TRIP4: variants seen among roughly 807,000 people sequenced by gnomAD.
TRIP4 encodes thyroid hormone receptor interactor 4.
A neutral mutation model predicts 81.8 loss-of-function variants in TRIP4; 54 were observed. The observed-to-expected ratio is 0.66, with a 90% CI of 0.53 to 0.83. The LOEUF (loss-of-function observed/expected upper bound fraction) is 0.83, where lower values mean the gene tolerates loss of function less well. Ranked by LOEUF, TRIP4 falls within the 40% of genes least tolerant of loss-of-function variation. The pLI is 0.00. For missense variants in TRIP4, 662 were observed against 683.6 expected (o/e 0.97, Z 0.35); for synonymous variants, 270 against 242.8 (o/e 1.11, Z -1.04).
intron 11 of TRIP4, among the ~76,000 whole-genome samples, chr15:64,443,132 G>A (rs192721675): frequency 1.6e-3 from 237 of 152,310 alleles, no homozygotes; most frequent in Middle Eastern, 0.01. Flanking sequence ...AAAAAAGTAG[G>A]AGAGGAATTA....
At chr15:64,391,225 C>G (rs552819040) in intron 1 of TRIP4, among the ~76,000 whole-genome samples, 3 of 151,474 alleles carry the variant, frequency 2.0e-5, no homozygotes, top group Non-Finnish European at 4.4e-5. Context: ...GGCAGGATCT[C>G]GGCTCACTGC....
chr15:64,424,448 T>A, intron 10 of TRIP4: 1 of 290,998 alleles, frequency 3.4e-6, no homozygotes, highest in Non-Finnish European at 6.5e-6. Context: ...GTGTAAACTC[T>A]GAGATCCTTA....
chr15:64,428,673 A>G (rs1241727297), intron 11 of TRIP4, among the ~76,000 whole-genome samples: 1 of 151,982 alleles, frequency 6.6e-6, no homozygotes, highest in African/African-American at 2.4e-5. Context: ...CAGTGGTGCA[A>G]TCTTGGCTCA....
At chr15:64,409,964 G>T in intron 7 of TRIP4, 136 bp downstream of exon 7, 2 of 742,712 alleles carry the variant, frequency 2.7e-6, no homozygotes, top group Non-Finnish European at 4.1e-6. Context: ...GTTAAGAATA[G>T]CTAAGAAAAA....
At chr15:64,410,728 T>C (rs1891743196) in intron 7 of TRIP4, among the ~76,000 whole-genome samples, 1 of 152,120 alleles carries the variant, frequency 6.6e-6, no homozygotes, top group African/African-American at 2.4e-5. Flanking sequence ...CATGAAGATA[T>C]AAGATATTTT....
chr15:64,424,096 A>C lies in TRIP4; in HGVS notation c.1424A>C (p.Lys475Thr), dbSNP rs749654061. The C allele has an allele frequency of 1.8e-5, 29 of 1,613,998 alleles. No homozygotes were observed. The highest frequency in any genetic ancestry group is 2.5e-5 in the Non-Finnish European group (29 of 1,180,000). The change falls in exon 10 of 13, where the codon AAA becomes ACA. Residue 475 changes from lysine (K) to threonine (T), a missense_variant. Coordinates refer to ENST00000261884, the MANE Select transcript of TRIP4 (RefSeq NM_016213.5). ...CTTTGGATAGCAGCCACAGCTAAAAAACCCTCCCCTCAAGAAGTCTCAGAA... is the reference window on the plus strand; with the variant it reads ...CTTTGGATAGCAGCCACAGCTAAAACACCCTCCCCTCAAGAAGTCTCAGAA... Reference protein sequence around the residue: ...GRLWIAATAKKPSPQEVSELQ... With the variant: ...GRLWIAATAKTPSPQEVSELQ...
At chr15:64,398,792 A>G (rs1469154469) in intron 4 of TRIP4, among the ~76,000 whole-genome samples, 2 of 152,032 alleles carry the variant, frequency 1.3e-5, no homozygotes, top group Non-Finnish European at 2.9e-5. Flanking sequence ...ACTCACAGAA[A>G]CCCTTAATGA....
chr15:64,394,244 A>G, intron 2 of TRIP4, 129 bp downstream of exon 2: 1 of 752,100 alleles, frequency 1.3e-6, no homozygotes, highest in Non-Finnish European at 2.0e-6. Flanking sequence ...TCATATGTAT[A>G]CATATTTTTA....
intron 11 of TRIP4, among the ~76,000 whole-genome samples, chr15:64,427,070 A>G (rs1003321588): frequency 6.6e-6 from 1 of 152,206 alleles, no homozygotes; most frequent in African/African-American, 2.4e-5. Context: ...GGGAGCCGAA[A>G]TACTTTAACT....
At chr15:64,452,519 C>T (rs1338759768) in intron 12 of TRIP4, among the ~76,000 whole-genome samples, 1 of 152,162 alleles carries the variant, frequency 6.6e-6, no homozygotes, top group Non-Finnish European at 1.5e-5. Flanking sequence ...GATTAAAGGA[C>T]TCAGTGTATG....
chr15:64,388,178 C>A, intron 1 of TRIP4: 1 of 771,852 alleles, frequency 1.3e-6, no homozygotes, highest in Non-Finnish European at 1.8e-6. Flanking sequence ...GGGCTTTTTT[C>A]CTGGGAAGAC....
At chr15:64,427,074 T>G (rs1892167567) in intron 11 of TRIP4, among the ~76,000 whole-genome samples, 1 of 152,106 alleles carries the variant, frequency 6.6e-6, no homozygotes, top group Non-Finnish European at 1.5e-5. Context: ...GCCGAAATAC[T>G]TTAACTTAAT....
intron 5 of TRIP4, 75 bp downstream of exon 5, chr15:64,400,896 G>T: frequency 8.5e-7 from 1 of 1,183,138 alleles, no homozygotes; most frequent in Non-Finnish European, 1.2e-6. Context: ...TCTCTTTTCT[G>T]TATCCTGGAG....
intron 8 of TRIP4, among the ~76,000 whole-genome samples, chr15:64,415,586 A>T (rs992729469): frequency 6.6e-6 from 1 of 152,156 alleles, no homozygotes; most frequent in Non-Finnish European, 1.5e-5. Flanking sequence ...CTGTCTTCAC[A>T]TGGACTTCTT....
At chr15:64,442,646 C>G (rs1333041471) in intron 11 of TRIP4, among the ~76,000 whole-genome samples, 1 of 150,836 alleles carries the variant, frequency 6.6e-6, no homozygotes, top group Non-Finnish European at 1.5e-5. Context: ...AGAATTCTAT[C>G]AAGTTCTACT....
At chr15:64,402,145 A>G (rs1410981326) in intron 5 of TRIP4, among the ~76,000 whole-genome samples, 1 of 152,096 alleles carries the variant, frequency 6.6e-6, no homozygotes, top group Non-Finnish European at 1.5e-5. Context: ...TGTGAAGGTT[A>G]TATAGGAACT....
intron 12 of TRIP4, among the ~76,000 whole-genome samples, chr15:64,451,717 G>A (rs552473187): frequency 5.3e-5 from 8 of 149,704 alleles, no homozygotes; most frequent in South Asian, 2.1e-4. Flanking sequence ...GCAATGGTGC[G>A]ATCTTGGCTC....
At chr15:64,395,602 C>T in intron 3 of TRIP4, 71 bp downstream of exon 3, 2 of 1,499,112 alleles carry the variant, frequency 1.3e-6, no homozygotes, top group Non-Finnish European at 1.8e-6. Flanking sequence ...TTTCAGAGAG[C>T]AAAGTGTACA....
At chr15:64,448,692 T>G (rs773219756) in intron 12 of TRIP4, among the ~76,000 whole-genome samples, 23 of 152,134 alleles carry the variant, frequency 1.5e-4, no homozygotes, top group Non-Finnish European at 2.4e-4. Context: ...CTTGAACTCC[T>G]GAGCTCAGGT....
Sources: allele counts gnomAD v4.1 joint callset (sites outside exome capture counted in the v4.1 genomes callset), GRCh38; gene constraint gnomAD v4.1.1; transcripts MANE v1.5; gene names NCBI Gene and HGNC (gene_info 2026-07-23, HGNC 2026-07-21).